The following ST7 variants were observed in gnomAD, a reference collection of about 807,000 sequenced individuals.
ST7 encodes suppression of tumorigenicity 7.
Under a neutral mutation model 78.7 loss-of-function variants are expected in ST7, and 28 were observed. The observed-to-expected ratio is 0.36, with a 90% CI of 0.26 to 0.49. ST7 has a LOEUF of 0.49. Ranked by LOEUF, ST7 falls within the 20% of genes least tolerant of loss-of-function variation. The probability of loss-of-function intolerance (pLI) is 0.99; values close to 1 mark genes in which losing one functional copy is unlikely to be tolerated. For missense variants in ST7, 418 were observed against 696.0 expected, an observed-to-expected ratio of 0.60 and a Z score of 4.49; for synonymous variants, 247 against 249.6, an observed-to-expected ratio of 0.99 and a Z score of 0.10.
In ST7 at chr7:117,047,879, C is replaced by T. The variant is rs187292683; in HGVS notation, c.152-51883C>T. Among the ~76,000 whole-genome samples the T allele has an allele frequency of 2.0e-5, 3 of 152,194 alleles. No individual in the cohort carries two copies. In the East Asian group the frequency reaches 5.8e-4, roughly 29 times the overall value. Reference sequence around the variant, plus strand: ...TTGTGCACTATTAATATACAGTTGACCCTTGAACAGTGCAGGGGTTAGGGA... The same window carrying T: ...TTGTGCACTATTAATATACAGTTGATCCTTGAACAGTGCAGGGGTTAGGGA... On this transcript the variant is annotated intron_variant, in intron 1 of 15. Transcript: ENST00000323984.
At chr7:117,202,917 A>G (rs937256497) in intron 12 of ST7, among the ~76,000 whole-genome samples, 1 of 152,128 alleles carries the variant, frequency 6.6e-6, no homozygotes, top group Non-Finnish European at 1.5e-5. Flanking sequence ...CCCCTCACAT[A>G]TACCAAAATC....
At chr7:117,102,991 G>T (rs1408399410) in intron 2 of ST7, among the ~76,000 whole-genome samples, 2 of 151,774 alleles carry the variant, frequency 1.3e-5, no homozygotes, top group African/African-American at 4.8e-5. Flanking sequence ...GCTATAAAGA[G>T]CATAAAATAC....
intron 9 of ST7, among the ~76,000 whole-genome samples, chr7:117,157,351 C>T (rs981181733): frequency 1.6e-4 from 24 of 152,054 alleles, no homozygotes; most frequent in South Asian, 2.1e-4. Flanking sequence ...AGCATGTGGA[C>T]GTGTTGGGGA....
intron 9 of ST7, among the ~76,000 whole-genome samples, chr7:117,157,724 T>A (rs1280506763): frequency 6.6e-6 from 1 of 152,170 alleles, no homozygotes; most frequent in Non-Finnish European, 1.5e-5. Context: ...GCCAGTGTGG[T>A]TAGCTGCTTG....
At chr7:117,199,692 T>G (rs1810637915) in intron 12 of ST7, among the ~76,000 whole-genome samples, 1 of 152,214 alleles carries the variant, frequency 6.6e-6, no homozygotes, top group Non-Finnish European at 1.5e-5. Context: ...TGCCAGCCAC[T>G]GGGACGCTGG....
At chr7:117,076,375 A>G (rs1171388656) in intron 1 of ST7, 1 of 152,240 alleles carries the variant, frequency 6.6e-6, no homozygotes, top group Non-Finnish European at 1.5e-5. Context: ...AAATTAGCCA[A>G]TCCAATATAT....
At chr7:117,129,120 A>G (rs1327651796) in intron 3 of ST7, among the ~76,000 whole-genome samples, 1 of 151,868 alleles carries the variant, frequency 6.6e-6, no homozygotes, top group Non-Finnish European at 1.5e-5. Context: ...GTCCTGGTAT[A>G]ATAAAGAGGT....
chr7:117,204,382 G>C (rs1489206139), intron 12 of ST7, among the ~76,000 whole-genome samples: 1 of 152,128 alleles, frequency 6.6e-6, no homozygotes, highest in Non-Finnish European at 1.5e-5. Context: ...TTTTACAGAG[G>C]AGCAAACTGA....
intron 1 of ST7, among the ~76,000 whole-genome samples, chr7:116,983,186 C>T (rs1794035625): frequency 6.6e-6 from 1 of 152,336 alleles, no homozygotes; most frequent in Non-Finnish European, 1.5e-5. Context: ...GTGTGAGCCA[C>T]CACGCCCAGC....
At chr7:117,039,761 T>G (rs540462391) in intron 1 of ST7, among the ~76,000 whole-genome samples, 2 of 152,314 alleles carry the variant, frequency 1.3e-5, no homozygotes, top group East Asian at 3.9e-4. Flanking sequence ...ACACTGCACT[T>G]CAGTACTTCC....
chr7:117,062,815 A>C (rs1201243296), intron 1 of ST7, among the ~76,000 whole-genome samples: 1 of 152,108 alleles, frequency 6.6e-6, no homozygotes, highest in Admixed American at 6.6e-5. Context: ...CTTGGCTAGC[A>C]CTCCTGTGAC....
rs540091158 is a variant in ST7, at chr7:117,211,240, T to G, written c.1405+1303T>G. ...ATTTATAACTTGAAGGAGGATTTTA[T>G]CAGTGCCTCCGCCCCTCCTCAGTAA... On this transcript the variant is annotated intron_variant, in intron 13 of 15. Transcript: ENST00000323984. 2.6e-5 allele frequency among the ~76,000 whole-genome samples: 4 copies of G among 152,344 alleles called. No homozygotes were observed. In the South Asian group the frequency reaches 8.3e-4, roughly 32 times the overall value.
intron 1 of ST7, among the ~76,000 whole-genome samples, chr7:116,961,975 T>C: frequency 6.7e-6 from 1 of 149,892 alleles, no homozygotes; most frequent in Non-Finnish European, 1.5e-5. Context: ...GTGGTGTTCC[T>C]CTCCCTGTGT....
At chr7:116,981,287 T>G (rs1793948803) in intron 1 of ST7, among the ~76,000 whole-genome samples, 1 of 152,058 alleles carries the variant, frequency 6.6e-6, no homozygotes, top group African/African-American at 2.4e-5. Context: ...TTTTTGTAAT[T>G]TTTGTAGAGC....
At position 117,019,992 on chromosome 7, in the gene ST7, A is replaced by G. The variant is rs541597173; in HGVS notation, c.151+66301A>G. The stretch of plus-strand genomic sequence containing the variant: ...TGTGGTTAATTGCTATAAAGCCAAT[A>G]TTTAAATTTCTTTGAGTCCTCTTTT... On this transcript the variant is annotated intron_variant, in intron 1 of 15. Transcript: ENST00000323984. Among the ~76,000 whole-genome samples, 3 of 152,350 alleles carry G rather than the reference A, an allele frequency of 2.0e-5. No individual in the cohort carries two copies. In the East Asian group the frequency reaches 5.8e-4, roughly 29 times the overall value.
At chr7:117,009,817 C>G (rs1445572757) in intron 1 of ST7, among the ~76,000 whole-genome samples, 1 of 152,032 alleles carries the variant, frequency 6.6e-6, no homozygotes, top group East Asian at 1.9e-4. Context: ...CCTCCTTTTT[C>G]CAGCTGTGGT....
At chr7:117,014,278 T>C (rs1366336653) in intron 1 of ST7, among the ~76,000 whole-genome samples, 1 of 27,228 alleles carries the variant, frequency 3.7e-5, no homozygotes, top group Non-Finnish European at 7.6e-5. Flanking sequence ...TAAGCTAGGA[T>C]ATGCTCAAGA....
chr7:117,123,991 A>G (rs867822201), intron 3 of ST7, among the ~76,000 whole-genome samples: 1 of 152,128 alleles, frequency 6.6e-6, no homozygotes, highest in South Asian at 2.1e-4. Flanking sequence ...TCATAAGTAT[A>G]TATGTATATT....
intron 15 of ST7, among the ~76,000 whole-genome samples, chr7:117,222,581 C>T (rs979545942): frequency 6.6e-6 from 1 of 152,034 alleles, no homozygotes; most frequent in Non-Finnish European, 1.5e-5. Context: ...TATGGAAATC[C>T]ATTAAGAGTC....
Sources: gnomAD v4.1 joint callset for allele counts (sites outside exome capture counted in the v4.1 genomes callset) on GRCh38, gnomAD v4.1.1 for gene constraint, MANE v1.5 for transcripts, NCBI Gene and HGNC (gene_info 2026-07-23, HGNC 2026-07-21) for gene names.